KCNK2: variants seen among roughly 807,000 people sequenced by gnomAD.
KCNK2 encodes the protein potassium two pore domain channel subfamily K member 2, also known as potassium channel subfamily K member 2.
In KCNK2, 21 loss-of-function variants were observed where a neutral mutation model predicts 40.5. The ratio of observed to expected loss-of-function variants is 0.52; its 90% CI spans 0.37 to 0.75. KCNK2 has a LOEUF of 0.75. Ranked by LOEUF, KCNK2 falls within the 30% of genes least tolerant of loss-of-function variation. The probability of loss-of-function intolerance (pLI) is 0.00; values close to 1 mark genes in which losing one functional copy is unlikely to be tolerated. For missense variants in KCNK2, 399 were observed against 531.6 expected (o/e 0.75, Z 2.45); for synonymous variants, 191 against 202.2 (o/e 0.94, Z 0.47).
chr1:215,101,841 C>CTGCT (rs1660233862), intron 2 of KCNK2, among the ~76,000 whole-genome samples: 1 of 151,940 alleles, frequency 6.6e-6, no homozygotes, highest in Admixed American at 6.6e-5. Context: ...ACCAACTGTA[C>CTGCT]TGCTAGTCAT....
At chr1:215,041,658 T>A (rs188680271) in intron 1 of KCNK2, among the ~76,000 whole-genome samples, 19 of 152,348 alleles carry the variant, frequency 1.2e-4, no homozygotes, top group Non-Finnish European at 2.1e-4. Context: ...GTTGAATTAT[T>A]TAATTTATAT....
intron 5 of KCNK2, among the ~76,000 whole-genome samples, chr1:215,180,792 C>T (rs890041174): frequency 1.9e-4 from 29 of 152,108 alleles, no homozygotes; most frequent in African/African-American, 6.8e-4. Flanking sequence ...CCTTTAAGAT[C>T]TTTTCTTTAG....
In KCNK2 at chr1:215,235,490, C is replaced by G. The variant is rs1039796048; in HGVS notation, c.*345C>G. 3 of 195,920 alleles carry G rather than the reference C, an allele frequency of 1.5e-5. No homozygotes were observed. Among genetic ancestry groups the G allele is most frequent in the Non-Finnish European group, 3.1e-5 (3 of 95,598 alleles). The allele number at this position is 195,920 out of a possible 1,614,324, so 12.1% of individuals were successfully genotyped here. Reference sequence around the variant, plus strand: ...TGGTAACAATGTAGCTTTGAGGGATCAGTTCTTAACTTTTCAGGGTCTACC... The same window carrying G: ...TGGTAACAATGTAGCTTTGAGGGATGAGTTCTTAACTTTTCAGGGTCTACC... On this transcript the variant is annotated 3_prime_UTR_variant, in exon 7 of 7. Transcript: ENST00000444842.
chr1:215,056,499 CAAAAA>C (rs376076606), intron 1 of KCNK2, among the ~76,000 whole-genome samples: 1 of 55,174 alleles, frequency 1.8e-5, no homozygotes, highest in Non-Finnish European at 3.1e-5. Context: ...GACTCAGTCT[CAAAAA>C]AAAAAAAAAA....
chr1:215,035,938 T>A (rs375446688), intron 1 of KCNK2, among the ~76,000 whole-genome samples: 3,293 of 147,686 alleles, frequency 0.022, 114 homozygotes, highest in African/African-American at 0.075. Flanking sequence ...GTTTTTTTTT[T>A]AAATATATTC....
intron 3 of KCNK2, among the ~76,000 whole-genome samples, chr1:215,145,195 T>G (rs1662361553): frequency 6.6e-6 from 1 of 152,200 alleles, no homozygotes; most frequent in Non-Finnish European, 1.5e-5. Flanking sequence ...TTGGTGGCCA[T>G]GAAAGTGACT....
rs1558152513 is a variant in KCNK2, at chr1:215,235,181, T to C, written c.*36T>C. ...AAATAACCTTAGGCATAGCCATAGG[T>C]GAGGACTTCTCTATGCTCTTTATGA... On this transcript the variant is annotated 3_prime_UTR_variant, in exon 7 of 7. Coordinates refer to ENST00000444842, the MANE Select transcript of KCNK2 (RefSeq NM_001017425.3). 1 of 1,534,182 alleles carries C rather than the reference T, an allele frequency of 6.5e-7. No individual in the cohort carries two copies. The highest frequency in any genetic ancestry group is 1.7e-5 in the Admixed American group (1 of 58,226).
rs1553270861 is a variant in KCNK2, at chr1:215,177,722, G to GTATATATA, written c.823+5551_823+5558dup. Among the ~76,000 whole-genome samples the GTATATATA allele has an allele frequency of 3.1e-3, 366 of 116,220 alleles. 3 individuals are homozygous for GTATATATA. The highest frequency in any genetic ancestry group is 4.1e-3 in the Non-Finnish European group (236 of 57,530). The allele number at this position is 116,220 out of a possible 152,430, so 76.2% of individuals were successfully genotyped here. ...GCTCCACTGGCCTATATATATATGT[G>GTATATATA]TATATATATATATATATATTTTTTT... On this transcript the variant is annotated intron_variant, in intron 5 of 6. Transcript: ENST00000444842.
At chr1:215,119,443 T>A (rs895196144) in intron 2 of KCNK2, among the ~76,000 whole-genome samples, 6 of 152,190 alleles carry the variant, frequency 3.9e-5, no homozygotes, top group Admixed American at 3.9e-4. Flanking sequence ...ATCTTTATCA[T>A]GTGTATGAGT....
intron 6 of KCNK2, among the ~76,000 whole-genome samples, chr1:215,219,994 C>T (rs1666107530): frequency 6.6e-6 from 1 of 152,092 alleles, no homozygotes; most frequent in African/African-American, 2.4e-5. Context: ...TCCAAGGTGC[C>T]ATGATTTCTT....
chr1:215,200,814 A>C (rs1350929280), intron 6 of KCNK2, among the ~76,000 whole-genome samples: 1 of 152,200 alleles, frequency 6.6e-6, no homozygotes, highest in Non-Finnish European at 1.5e-5. Flanking sequence ...GACATCCATA[A>C]TTCTAACTTT....
chr1:215,144,617 AT>A (rs1249787697), intron 3 of KCNK2, among the ~76,000 whole-genome samples: 2 of 151,610 alleles, frequency 1.3e-5, no homozygotes, highest in East Asian at 1.9e-4. Flanking sequence ...CCAATATTTC[AT>A]TTTTTTTGGC....
At chr1:215,056,417 G>A (rs1658165545) in intron 1 of KCNK2, among the ~76,000 whole-genome samples, 1 of 137,154 alleles carries the variant, frequency 7.3e-6, no homozygotes, top group Non-Finnish European at 1.5e-5. Context: ...GTACCTTGTT[G>A]TATACATAAA....
At chr1:215,186,704 T>A (rs1664452128) in intron 5 of KCNK2, among the ~76,000 whole-genome samples, 2 of 152,210 alleles carry the variant, frequency 1.3e-5, no homozygotes, top group African/African-American at 4.8e-5. Flanking sequence ...TTCATATTTA[T>A]TTATGCAGAG....
chr1:215,061,709 T>G lies in KCNK2; in HGVS notation c.35-24659T>G, dbSNP rs1177175816. Among the ~76,000 whole-genome samples, 9 of 152,230 alleles carry G rather than the reference T, an allele frequency of 5.9e-5. No homozygotes were observed. In the South Asian group the frequency reaches 1.5e-3, roughly 25 times the overall value. ...ATATAAAAATATTTTAGAGTTAATT[T>G]TGTAGTTTGGATAATTCAACAGATT... is the stretch of plus-strand genomic sequence containing the variant. On this transcript the variant is annotated intron_variant, in intron 1 of 6. Coordinates refer to the KCNK2 transcript ENST00000391895.
rs1666913751 is a variant in KCNK2, at chr1:215,236,732, T to C, written c.*1587T>C. 6.6e-6 allele frequency: 1 copy of C among 152,094 alleles called. No individual in the cohort carries two copies. The highest frequency in any genetic ancestry group is 6.6e-5 in the Admixed American group (1 of 15,258). The allele number at this position is 152,094 out of a possible 1,614,324, so 9.4% of individuals were successfully genotyped here. A position where few individuals can be genotyped will look rare whatever the true frequency, so the allele number is the denominator to read the frequency against. ...AAGAAAATAATTTCCCTAAATATAATTGCAAACTGATTTCTTTTACTTTTT... is the reference window on the plus strand; with the variant it reads ...AAGAAAATAATTTCCCTAAATATAACTGCAAACTGATTTCTTTTACTTTTT... On this transcript the variant is annotated 3_prime_UTR_variant, in exon 7 of 7. Transcript: ENST00000444842.
intron 3 of KCNK2, among the ~76,000 whole-genome samples, chr1:215,150,583 C>T (rs929808905): frequency 9.2e-5 from 14 of 152,006 alleles, no homozygotes; most frequent in African/African-American, 2.4e-5. Flanking sequence ...TAACTTACAA[C>T]GATTACTTTT....
intron 1 of KCNK2, among the ~76,000 whole-genome samples, chr1:215,029,688 T>C (rs1657119825): frequency 1.3e-5 from 2 of 149,646 alleles, no homozygotes. Flanking sequence ...AACAGAATAT[T>C]ATTTTTAAAA....
At position 215,083,020 on chromosome 1, in the gene KCNK2, G is replaced by T; in HGVS notation, c.-366G>T. On this transcript the variant is annotated 5_prime_UTR_variant, in exon 1 of 7. Coordinates refer to ENST00000444842, the MANE Select transcript of KCNK2 (RefSeq NM_001017425.3). ...TGAGCGCGTGGCGGCGGCGGCGGCGGCGGCGGCGGCGGGCAGGCGCGGGAC... is the reference window on the plus strand; with the variant it reads ...TGAGCGCGTGGCGGCGGCGGCGGCGTCGGCGGCGGCGGGCAGGCGCGGGAC... 6.4e-6 allele frequency: 1 copy of T among 156,366 alleles called. No individual in the cohort carries two copies. Among genetic ancestry groups the T allele is most frequent in the South Asian group, 1.8e-4 (1 of 5,640 alleles). The allele number at this position is 156,366 out of a possible 1,614,324, so 9.7% of individuals were successfully genotyped here.
Sources: gnomAD v4.1 joint callset for allele counts (sites outside exome capture counted in the v4.1 genomes callset) on GRCh38, gnomAD v4.1.1 for gene constraint, MANE v1.5 for transcripts, NCBI Gene and HGNC (gene_info 2026-07-23, HGNC 2026-07-21) for gene names.